Variants in L3MBTL4 observed in about 807,000 individuals in gnomAD.
The protein encoded by L3MBTL4 is L3MBTL histone methyl-lysine binding protein 4.
L3MBTL4 carries 70 observed loss-of-function variants against 84.5 expected under a neutral mutation model. The ratio of observed to expected loss-of-function variants is 0.83; its 90% confidence interval spans 0.68 to 1.01. The LOEUF (loss-of-function observed/expected upper bound fraction) is 1.01. L3MBTL4 is among the 50% of genes least tolerant of loss of function. The pLI, the probability that L3MBTL4 is intolerant of heterozygous loss-of-function variation, is 0.00. For synonymous variants in L3MBTL4, 274 were observed against 259.8 expected (o/e 1.05, Z -0.52); for missense variants, 715 against 754.8 (o/e 0.95, Z 0.62).
chr18:6,387,637 C>T (rs1430728425), intron 1 of L3MBTL4, among the ~76,000 whole-genome samples: 1 of 152,120 alleles, frequency 6.6e-6, no homozygotes, highest in African/African-American at 2.4e-5. Context: ...CCCTGAGAGT[C>T]ATCTAGTGGG....
chr18:6,175,656 A>G (rs1220926190), intron 12 of L3MBTL4, among the ~76,000 whole-genome samples: 2 of 152,240 alleles, frequency 1.3e-5, no homozygotes, highest in African/African-American at 4.8e-5. Flanking sequence ...CAAATACTTC[A>G]GTAAACTAGA....
chr18:6,161,939 A>G (rs1006598514), intron 13 of L3MBTL4, among the ~76,000 whole-genome samples: 12 of 150,280 alleles, frequency 8.0e-5, no homozygotes, highest in African/African-American at 2.7e-4. Context: ...TAAAATATAT[A>G]TATATATCTA....
chr18:6,267,837 C>T (rs2048701019), intron 4 of L3MBTL4, among the ~76,000 whole-genome samples: 1 of 152,116 alleles, frequency 6.6e-6, no homozygotes, highest in Non-Finnish European at 1.5e-5. Flanking sequence ...AAGAGGATTA[C>T]TCAGTAACAT....
At chr18:6,402,270 A>C (rs1187793674) in intron 1 of L3MBTL4, among the ~76,000 whole-genome samples, 5 of 152,248 alleles carry the variant, frequency 3.3e-5, no homozygotes, top group Admixed American at 6.5e-5. Context: ...CTACATTGCC[A>C]TCTCTCAAAG....
At chr18:5,973,402 T>C (rs1252295277) in intron 16 of L3MBTL4, among the ~76,000 whole-genome samples, 1 of 152,246 alleles carries the variant, frequency 6.6e-6, no homozygotes, top group Non-Finnish European at 1.5e-5. Context: ...TTAGAAATTA[T>C]GTGACTGTTG....
rs573479273 is a variant in L3MBTL4 at position 6,059,170 on chromosome 18, G to A, written c.1444+21711C>T. ...TATAACCAGAGACAGTGTCAGTATG[G>A]AGAAGAGGATGTGTCAGAGACAGAC... On this transcript the variant is annotated intron_variant, in intron 16 of 18. Coordinates refer to ENST00000317931, the MANE Select transcript of L3MBTL4 (RefSeq NM_001330559.2). Among the ~76,000 whole-genome samples, 3 of 152,298 alleles carry A rather than the reference G, an allele frequency of 2.0e-5. No homozygotes were observed. The East Asian group carries it at 5.8e-4, about 29-fold the overall frequency.
At chr18:6,100,487 C>T (rs375090292) in intron 14 of L3MBTL4, among the ~76,000 whole-genome samples, 1 of 152,292 alleles carries the variant, frequency 6.6e-6, no homozygotes, top group Non-Finnish European at 1.5e-5. Flanking sequence ...TCTGTGTCAT[C>T]TGTTCATGGC....
chr18:6,129,771 T>C lies in L3MBTL4; in HGVS notation c.1199+8423A>G, dbSNP rs138594323. On this transcript the variant is annotated intron_variant, in intron 14 of 18. Transcript: ENST00000317931. ...CATTTTGATCAAAGAGTAGGTCTGA[T>C]GTTTTGTTTTGAGAATTTACTGAGT... Among the ~76,000 whole-genome samples the C allele has an allele frequency of 4.5e-3, 680 of 152,298 alleles. 20 individuals carry two copies. The highest frequency in any genetic ancestry group is 0.037 in the Admixed American group (564 of 15,300).
intron 1 of L3MBTL4, among the ~76,000 whole-genome samples, chr18:6,410,378 A>C (rs1186787364): frequency 6.6e-6 from 1 of 152,206 alleles, no homozygotes; most frequent in East Asian, 1.9e-4. Context: ...TTGGCTGATT[A>C]GTTGCTATCT....
chr18:6,060,802 C>T (rs139955275), intron 16 of L3MBTL4, among the ~76,000 whole-genome samples: 1 of 152,098 alleles, frequency 6.6e-6, no homozygotes, highest in South Asian at 2.1e-4. Context: ...TAGCAATATG[C>T]AATTAAGGCT....
chr18:6,169,990 G>A (rs774646466), intron 13 of L3MBTL4, among the ~76,000 whole-genome samples: 1 of 152,070 alleles, frequency 6.6e-6, no homozygotes, highest in Non-Finnish European at 1.5e-5. Context: ...CCTGAGAGAA[G>A]ATTTAATTGA....
chr18:6,302,780 C>A (rs1034071264), intron 3 of L3MBTL4, among the ~76,000 whole-genome samples: 1 of 152,008 alleles, frequency 6.6e-6, no homozygotes, highest in Non-Finnish European at 1.5e-5. Flanking sequence ...GAAAGGAGTT[C>A]GAAATCAACC....
chr18:6,400,848 A>C (rs2055481271), intron 1 of L3MBTL4, among the ~76,000 whole-genome samples: 1 of 152,204 alleles, frequency 6.6e-6, no homozygotes, highest in Admixed American at 6.5e-5. Context: ...AGAGAGAGAC[A>C]AGCCACCTGT....
Position 6,192,003 on chromosome 18 carries a change from C to G in L3MBTL4, c.982-20061G>C, listed in dbSNP as rs150787187. ...AGTATCCCTGTCCCCTCCTCCCCCCCCTCAAAAAAAAAAAGAAAGAAAGAA... is the reference window on the plus strand; with the variant it reads ...AGTATCCCTGTCCCCTCCTCCCCCCGCTCAAAAAAAAAAAGAAAGAAAGAA... On this transcript the variant is annotated intron_variant, in intron 12 of 18. Coordinates refer to ENST00000317931, the MANE Select transcript of L3MBTL4 (RefSeq NM_001330559.2). Among the ~76,000 whole-genome samples, 444 of 146,620 alleles carry G rather than the reference C, an allele frequency of 3.0e-3. 2 individuals are homozygous for G. Among genetic ancestry groups the G allele is most frequent in the African/African-American group, 0.011 (410 of 37,760 alleles).
intron 14 of L3MBTL4, among the ~76,000 whole-genome samples, chr18:6,121,706 GTGTGTGTGTGTGTA>G (rs1438981989): frequency 6.4e-4 from 89 of 138,036 alleles, no homozygotes; most frequent in African/African-American, 2.4e-3. Context: ...GTGTGTGTGT[GTGTGTGTGTGTGTA>G]TGTGTGTGTG....
intron 16 of L3MBTL4, among the ~76,000 whole-genome samples, chr18:6,078,056 T>C (rs1165532704): frequency 7.5e-5 from 9 of 120,454 alleles, no homozygotes; most frequent in East Asian, 2.4e-4. Context: ...AAATAAATAA[T>C]AAATAAAAGA....
chr18:6,329,151 C>CTTT (rs992694853), intron 1 of L3MBTL4, among the ~76,000 whole-genome samples: 8 of 126,552 alleles, frequency 6.3e-5, no homozygotes, highest in Non-Finnish European at 8.3e-5. Context: ...TTTTTCTTTT[C>CTTT]TTTTTTTTTT....
At chr18:6,219,234 G>A (rs1405754801) in intron 10 of L3MBTL4, among the ~76,000 whole-genome samples, 1 of 151,782 alleles carries the variant, frequency 6.6e-6, no homozygotes, top group African/African-American at 2.4e-5. Context: ...ACTTCGTCCT[G>A]CTGAGACTGA....
chr18:6,408,618 G>A (rs1262701506), intron 1 of L3MBTL4, among the ~76,000 whole-genome samples: 1 of 151,938 alleles, frequency 6.6e-6, no homozygotes, highest in Admixed American at 6.6e-5. Context: ...AAAGCACTAA[G>A]GGGATTTTCT....
Sources: allele counts gnomAD v4.1 joint callset (sites outside exome capture counted in the v4.1 genomes callset), GRCh38; gene constraint gnomAD v4.1.1; transcripts MANE v1.5; gene names NCBI Gene and HGNC (gene_info 2026-07-23, HGNC 2026-07-21).